ARHGAP15: variants seen among roughly 807,000 people sequenced by gnomAD.
ARHGAP15 encodes the protein rho GTPase-activating protein 15.
In ARHGAP15, 51 loss-of-function variants were observed where a neutral mutation model predicts 63.7. The observed-to-expected ratio is 0.80, with a 90% CI of 0.64 to 1.01. ARHGAP15 has a LOEUF of 1.01. Among genes scored for constraint, ARHGAP15 ranks in the 50% least tolerant of loss-of-function variants. The pLI is 0.00. For synonymous variants in ARHGAP15, 191 were observed against 193.8 expected, an observed-to-expected ratio of 0.99 and a Z score of 0.12; for missense variants, 560 against 564.6, an observed-to-expected ratio of 0.99 and a Z score of 0.08.
At chr2:143,712,362 AC>A (rs1482637564) in intron 13 of ARHGAP15, among the ~76,000 whole-genome samples, 2 of 152,232 alleles carry the variant, frequency 1.3e-5, no homozygotes, top group Non-Finnish European at 2.9e-5. Flanking sequence ...ACATAATGTG[AC>A]TTGCTCATTG....
At chr2:143,380,703 A>G (rs747888565) in intron 6 of ARHGAP15, among the ~76,000 whole-genome samples, 1 of 152,150 alleles carries the variant, frequency 6.6e-6, no homozygotes, top group Non-Finnish European at 1.5e-5. Context: ...AAGCCTTTAA[A>G]GTAAATGATC....
At chr2:143,333,869 A>G (rs1684657272) in intron 6 of ARHGAP15, among the ~76,000 whole-genome samples, 1 of 152,188 alleles carries the variant, frequency 6.6e-6, no homozygotes, top group Admixed American at 6.6e-5. Context: ...TTCCGTGGAG[A>G]GTTTTGACCT....
At chr2:143,714,964 G>T (rs997630411) in intron 13 of ARHGAP15, among the ~76,000 whole-genome samples, 8 of 152,060 alleles carry the variant, frequency 5.3e-5, no homozygotes, top group Non-Finnish European at 4.4e-5. Context: ...CTGTTACCCA[G>T]TTCCAAAGTC....
intron 2 of ARHGAP15, among the ~76,000 whole-genome samples, chr2:143,156,273 C>T (rs888012722): frequency 6.6e-6 from 1 of 151,866 alleles, no homozygotes; most frequent in Admixed American, 6.6e-5. Flanking sequence ...CTGCACGCAT[C>T]CTGAGCCACT....
chr2:143,229,621 G>C (rs933183104), intron 5 of ARHGAP15, among the ~76,000 whole-genome samples: 2 of 152,204 alleles, frequency 1.3e-5, no homozygotes, highest in African/African-American at 4.8e-5. Context: ...ACAGCCCATC[G>C]GCCTGATGGA....
At chr2:143,292,265 G>C (rs1218131387) in intron 6 of ARHGAP15, among the ~76,000 whole-genome samples, 1 of 152,056 alleles carries the variant, frequency 6.6e-6, no homozygotes. Flanking sequence ...AATCTTAAAT[G>C]TAATAGTTTT....
intron 6 of ARHGAP15, among the ~76,000 whole-genome samples, chr2:143,354,479 A>G (rs574793078): frequency 5.3e-4 from 80 of 152,098 alleles, no homozygotes; most frequent in Admixed American, 2.6e-4. Context: ...TAGAAACGGA[A>G]GGCACCAGTT....
chr2:143,158,053 C>T (rs1034377917), intron 2 of ARHGAP15, among the ~76,000 whole-genome samples: 1 of 151,828 alleles, frequency 6.6e-6, no homozygotes, highest in Non-Finnish European at 1.5e-5. Context: ...ATGCATACTA[C>T]TTGTTCACTA....
intron 6 of ARHGAP15, among the ~76,000 whole-genome samples, chr2:143,266,704 T>C (rs1306914340): frequency 1.3e-5 from 2 of 152,176 alleles, no homozygotes; most frequent in Non-Finnish European, 2.9e-5. Flanking sequence ...TTCCATTGTA[T>C]GGACAAAATT....
intron 6 of ARHGAP15, among the ~76,000 whole-genome samples, chr2:143,381,413 C>A (rs946199733): frequency 3.3e-5 from 5 of 152,040 alleles, no homozygotes; most frequent in Admixed American, 1.3e-4. Flanking sequence ...TTGCAGTTGG[C>A]ACTGATTCTT....
intron 11 of ARHGAP15, among the ~76,000 whole-genome samples, chr2:143,578,573 G>A (rs778116275): frequency 6.6e-6 from 1 of 152,136 alleles, no homozygotes; most frequent in South Asian, 2.1e-4. Flanking sequence ...TAAAAAAGGT[G>A]GGGGGGTAGT....
At position 143,532,846 on chromosome 2, in the gene ARHGAP15, A is replaced by G. The variant is rs548011245; in HGVS notation, c.925+13482A>G. On this transcript the variant is annotated intron_variant, in intron 10 of 13. Coordinates refer to ENST00000295095, the MANE Select transcript of ARHGAP15 (RefSeq NM_018460.4). The stretch of plus-strand genomic sequence containing the variant: ...AAAAGATATTGCATAGATATACCAA[A>G]TGGGCAATGCATTGGGTAGAGGAGA... Among the ~76,000 whole-genome samples, 4 of 152,328 alleles carry G rather than the reference A, an allele frequency of 2.6e-5. No homozygotes were observed. In the South Asian group the frequency reaches 8.3e-4, roughly 32 times the overall value.
chr2:143,435,044 T>C (rs955044818), intron 6 of ARHGAP15, among the ~76,000 whole-genome samples: 2 of 152,110 alleles, frequency 1.3e-5, no homozygotes, highest in African/African-American at 4.8e-5. Context: ...GGGAAATTGG[T>C]TTTTTTATTA....
chr2:143,370,377 C>T (rs7601883), intron 6 of ARHGAP15, among the ~76,000 whole-genome samples: 95,740 of 151,714 alleles, frequency 0.63, 30,881 homozygotes, highest in African/African-American at 0.76. Flanking sequence ...AGGGATAGCA[C>T]TGGGAGATAT....
intron 3 of ARHGAP15, among the ~76,000 whole-genome samples, chr2:143,211,258 A>AAAAT (rs1479997492): frequency 6.6e-6 from 1 of 151,554 alleles, no homozygotes; most frequent in East Asian, 1.9e-4. Flanking sequence ...AAACAAAGGC[A>AAAAT]AAATAAATAA....
At chr2:143,413,561 CTT>C (rs1285367017) in intron 6 of ARHGAP15, among the ~76,000 whole-genome samples, 5 of 152,196 alleles carry the variant, frequency 3.3e-5, no homozygotes, top group African/African-American at 1.2e-4. Context: ...CTTGTGAACT[CTT>C]TCACTTAAGT....
chr2:143,356,051 T>TA (rs150584394), intron 6 of ARHGAP15, among the ~76,000 whole-genome samples: 115 of 146,996 alleles, frequency 7.8e-4, no homozygotes, highest in African/African-American at 1.9e-3. Context: ...TTCATCTTAT[T>TA]AAAAAAAAAA....
intron 11 of ARHGAP15, among the ~76,000 whole-genome samples, chr2:143,575,919 AG>A (rs1429902389): frequency 6.6e-6 from 1 of 152,196 alleles, no homozygotes; most frequent in East Asian, 1.9e-4. Context: ...GCAAAAGGGA[AG>A]GAAAAAGGCA....
At chr2:143,246,302 G>A (rs962591792) in intron 5 of ARHGAP15, among the ~76,000 whole-genome samples, 2 of 151,864 alleles carry the variant, frequency 1.3e-5, no homozygotes, top group African/African-American at 4.8e-5. Flanking sequence ...GTGCAATAGA[G>A]GAAGCTATCA....
Sources: gnomAD v4.1 joint callset for allele counts (sites outside exome capture counted in the v4.1 genomes callset) on GRCh38, gnomAD v4.1.1 for gene constraint, MANE v1.5 for transcripts, NCBI Gene and HGNC (gene_info 2026-07-23, HGNC 2026-07-21) for gene names.